CDK14: variants seen among roughly 807,000 people sequenced by gnomAD.
The protein encoded by CDK14 is cyclin-dependent kinase 14.
In CDK14, 34 loss-of-function variants were observed where a neutral mutation model predicts 60.7. That is an observed-to-expected ratio of 0.56 (90% CI 0.43 to 0.75). The LOEUF (loss-of-function observed/expected upper bound fraction) is 0.75, where lower values mean the gene tolerates loss of function less well. Among genes scored for constraint, CDK14 ranks in the 30% least tolerant of loss-of-function variants. The pLI is 0.00. For missense variants in CDK14, 482 were observed against 564.1 expected, an observed-to-expected ratio of 0.85 and a Z score of 1.47; for synonymous variants, 197 against 203.7, an observed-to-expected ratio of 0.97 and a Z score of 0.28.
At chr7:90,830,372 T>A (rs1209618674) in intron 5 of CDK14, among the ~76,000 whole-genome samples, 1 of 152,176 alleles carries the variant, frequency 6.6e-6, no homozygotes, top group Non-Finnish European at 1.5e-5. Context: ...CTTTTAGCCA[T>A]GGCTGGAGCT....
intron 10 of CDK14, among the ~76,000 whole-genome samples, chr7:90,986,600 T>C (rs370452597): frequency 1.3e-5 from 2 of 152,030 alleles, no homozygotes; most frequent in Non-Finnish European, 2.9e-5. Flanking sequence ...TATTCAATTA[T>C]TTTAAATAAC....
At chr7:90,782,050 C>T (rs1470680374) in intron 4 of CDK14, among the ~76,000 whole-genome samples, 1 of 152,146 alleles carries the variant, frequency 6.6e-6, no homozygotes, top group Non-Finnish European at 1.5e-5. Flanking sequence ...TACCCATGAG[C>T]ATGGAATATT....
chr7:91,180,147 C>G (rs1801949518), intron 14 of CDK14, among the ~76,000 whole-genome samples: 1 of 152,160 alleles, frequency 6.6e-6, no homozygotes, highest in South Asian at 2.1e-4. Context: ...AGCTGAGGTG[C>G]AGAAGCACAA....
At chr7:90,849,766 C>T (rs547882086) in intron 5 of CDK14, among the ~76,000 whole-genome samples, 4 of 152,108 alleles carry the variant, frequency 2.6e-5, no homozygotes, top group Admixed American at 2.6e-4. Context: ...TTAAAAAATA[C>T]TGCACAGGGT....
chr7:90,875,366 A>G (rs371011346), intron 6 of CDK14, among the ~76,000 whole-genome samples: 6 of 152,166 alleles, frequency 3.9e-5, no homozygotes, highest in African/African-American at 1.4e-4. Flanking sequence ...TTTTGTGCAT[A>G]TATCTAGGAG....
At chr7:90,870,552 A>T (rs769859041) in intron 6 of CDK14, among the ~76,000 whole-genome samples, 6 of 152,228 alleles carry the variant, frequency 3.9e-5, no homozygotes, top group Non-Finnish European at 8.8e-5. Context: ...ATACATTCGG[A>T]TACAGGGCAT....
intron 14 of CDK14, among the ~76,000 whole-genome samples, chr7:91,151,270 A>G (rs78676235): frequency 0.011 from 1,611 of 152,306 alleles, 40 homozygotes; most frequent in African/African-American, 0.037. Context: ...GCTAACAGGT[A>G]CAAGTCCAGT....
intron 6 of CDK14, among the ~76,000 whole-genome samples, chr7:90,865,185 T>C (rs1041296837): frequency 6.6e-6 from 1 of 152,170 alleles, no homozygotes; most frequent in Non-Finnish European, 1.5e-5. Flanking sequence ...TTTTTGTGCA[T>C]TTTTAGTAAA....
At chr7:90,965,416 C>T (rs1794724282) in intron 9 of CDK14, among the ~76,000 whole-genome samples, 1 of 152,186 alleles carries the variant, frequency 6.6e-6, no homozygotes, top group Non-Finnish European at 1.5e-5. Context: ...CTGGAAATGA[C>T]TAACTACAAC....
At chr7:90,596,811 C>CG in intron 1 of CDK14, 93 bp downstream of exon 1, 1 of 1,076,574 alleles carries the variant, frequency 9.3e-7, no homozygotes, top group Non-Finnish European at 1.4e-6. Context: ...CAGCTGCCAG[C>CG]GGGGCTGGCG....
chr7:90,688,794 T>G (rs1281308726), intron 2 of CDK14, among the ~76,000 whole-genome samples: 1 of 152,142 alleles, frequency 6.6e-6, no homozygotes, highest in Non-Finnish European at 1.5e-5. Flanking sequence ...TCAGAGACAG[T>G]TTGGAACAGC....
intron 2 of CDK14, among the ~76,000 whole-genome samples, chr7:90,656,069 C>T (rs1005384005): frequency 3.9e-5 from 6 of 152,176 alleles, no homozygotes; most frequent in Non-Finnish European, 5.9e-5. Flanking sequence ...AAACCTTTTG[C>T]GACTTCCAGG....
chr7:91,183,501 G>A (rs929685844), intron 14 of CDK14, among the ~76,000 whole-genome samples: 5 of 151,936 alleles, frequency 3.3e-5, no homozygotes, highest in African/African-American at 4.8e-5. Context: ...TTGATTTCCC[G>A]CCCTTTTCTT....
At chr7:90,597,811 C>G (rs1487308071) in intron 1 of CDK14, among the ~76,000 whole-genome samples, 1 of 147,868 alleles carries the variant, frequency 6.8e-6, no homozygotes, top group Non-Finnish European at 1.5e-5. Context: ...TGAGAGAGTA[C>G]AATGGATCGA....
chr7:90,957,303 G>C (rs144808984), intron 9 of CDK14, among the ~76,000 whole-genome samples: 4,121 of 152,114 alleles, frequency 0.027, 173 homozygotes, highest in East Asian at 0.18. Flanking sequence ...TAATGATTGC[G>C]ATTCTAACTG....
chr7:90,926,699 CAACT>C (rs556154129), intron 8 of CDK14, among the ~76,000 whole-genome samples: 57 of 152,246 alleles, frequency 3.7e-4, no homozygotes, highest in East Asian at 1.4e-3. Context: ...AGACAGACAC[CAACT>C]GAGTGTCTAA....
intron 5 of CDK14, among the ~76,000 whole-genome samples, chr7:90,833,089 A>T (rs968913905): frequency 6.6e-6 from 1 of 152,186 alleles, no homozygotes; most frequent in African/African-American, 2.4e-5. Flanking sequence ...GTTATTCAGA[A>T]TAACCAGGTC....
chr7:90,653,983 C>T (rs1349544447), intron 2 of CDK14, among the ~76,000 whole-genome samples: 4 of 152,328 alleles, frequency 2.6e-5, no homozygotes, highest in Non-Finnish European at 5.9e-5. Context: ...CATGTCCCTA[C>T]AAAGGACATG....
intron 5 of CDK14, among the ~76,000 whole-genome samples, chr7:90,806,672 C>T (rs935622484): frequency 5.9e-5 from 9 of 152,200 alleles, no homozygotes; most frequent in South Asian, 2.1e-4. Context: ...GGCGAGGCAT[C>T]GCCTCACCTG....
Sources: gnomAD v4.1 joint callset for allele counts (sites outside exome capture counted in the v4.1 genomes callset) on GRCh38, gnomAD v4.1.1 for gene constraint, MANE v1.5 for transcripts, NCBI Gene and HGNC (gene_info 2026-07-23, HGNC 2026-07-21) for gene names.